The following GABRB1 variants were observed in gnomAD, a reference collection of about 807,000 sequenced individuals.
GABRB1 encodes the protein gamma-aminobutyric acid receptor subunit beta-1.
GABRB1 carries 17 observed loss-of-function variants against 51.6 expected under a neutral mutation model. That is an observed-to-expected ratio of 0.33 (90% confidence interval 0.23 to 0.49). The LOEUF is 0.49. GABRB1 is among the 20% of genes least tolerant of loss of function. GABRB1 has a pLI of 0.99. For missense variants in GABRB1, 410 were observed against 600.6 expected, an observed-to-expected ratio of 0.68 and a Z score of 3.32; for synonymous variants, 247 against 218.9, an observed-to-expected ratio of 1.13 and a Z score of -1.14.
rs546454368 is a variant in GABRB1, at chr4:47,016,629, C to T, written c.-19-15285C>T. ...TCTGAGATGGAGTCTCACTCTGTCA[C>T]CCAGGCTGGAGTGCAGTGGCACAGT... On this transcript the variant is annotated intron_variant, in intron 1 of 3. Coordinates refer to the GABRB1 transcript ENST00000513567. Among the ~76,000 whole-genome samples, 8 of 152,168 alleles carry T rather than the reference C, an allele frequency of 5.3e-5. No individual in the cohort carries two copies. In the South Asian group the frequency reaches 1.7e-3, roughly 32 times the overall value.
At chr4:47,096,635 G>A (rs1314729752) in intron 3 of GABRB1, among the ~76,000 whole-genome samples, 5 of 152,174 alleles carry the variant, frequency 3.3e-5, no homozygotes, top group Admixed American at 2.0e-4. Context: ...GGTAGGCACA[G>A]TCTAATCAAG....
In GABRB1 at chr4:47,249,501, G is replaced by A. The variant is rs1281219275; in HGVS notation, c.462-70626G>A. On this transcript the variant is annotated intron_variant, in intron 4 of 8. Coordinates refer to ENST00000295454, the MANE Select transcript of GABRB1 (RefSeq NM_000812.4). ...GTATTCTGCAGTTGTTGGGTGAAAT[G>A]TTCTGTATATGCCTGTTAATTACAT... Among the ~76,000 whole-genome samples the A allele has an allele frequency of 2.0e-5, 3 of 152,170 alleles. No homozygotes were observed. In the East Asian group the frequency reaches 5.8e-4, roughly 29 times the overall value.
At chr4:47,295,129 A>G (rs1275553455) in intron 4 of GABRB1, among the ~76,000 whole-genome samples, 2 of 152,226 alleles carry the variant, frequency 1.3e-5, no homozygotes, top group Non-Finnish European at 2.9e-5. Flanking sequence ...GTCAAAGACC[A>G]AAAGTAGATA....
chr4:47,375,459 G>T (rs1727344513), intron 5 of GABRB1, among the ~76,000 whole-genome samples: 1 of 152,194 alleles, frequency 6.6e-6, no homozygotes, highest in South Asian at 2.1e-4. Context: ...TCATGCTGCA[G>T]TCACAAACAC....
chr4:47,227,095 G>A (rs1279417026), intron 4 of GABRB1, among the ~76,000 whole-genome samples: 2 of 152,154 alleles, frequency 1.3e-5, no homozygotes, highest in Non-Finnish European at 2.9e-5. Context: ...GTGCCTGAGA[G>A]GAATGCCGCA....
intron 4 of GABRB1, among the ~76,000 whole-genome samples, chr4:47,216,296 A>G (rs1235120068): frequency 6.6e-6 from 1 of 151,930 alleles, no homozygotes; most frequent in Admixed American, 6.6e-5. Context: ...GAGGGAGGGT[A>G]TCCTTTACCC....
At chr4:47,033,614 A>C (rs923727072) in intron 3 of GABRB1, among the ~76,000 whole-genome samples, 3 of 152,164 alleles carry the variant, frequency 2.0e-5, no homozygotes, top group Non-Finnish European at 4.4e-5. Context: ...ATTGTCTTTC[A>C]TTTCATTCCT....
At chr4:47,152,521 C>T (rs1366151370) in intron 3 of GABRB1, among the ~76,000 whole-genome samples, 4 of 151,988 alleles carry the variant, frequency 2.6e-5, no homozygotes, top group Non-Finnish European at 5.9e-5. Context: ...CTCTTCTCAC[C>T]TTATGCTCTC....
intron 4 of GABRB1, among the ~76,000 whole-genome samples, chr4:47,163,573 A>AT (rs1718051841): frequency 6.6e-6 from 1 of 151,894 alleles, no homozygotes; most frequent in African/African-American, 2.4e-5. Flanking sequence ...GTGTTGAAAA[A>AT]CTACCTATTG....
chr4:47,081,791 AAT>A (rs1308235848), intron 3 of GABRB1, among the ~76,000 whole-genome samples: 2 of 152,176 alleles, frequency 1.3e-5, no homozygotes, highest in South Asian at 2.1e-4. Context: ...TTAGTAGGGC[AAT>A]ATATATCTGG....
chr4:47,005,532 T>A (rs939481126), intron 1 of GABRB1, among the ~76,000 whole-genome samples: 1 of 151,902 alleles, frequency 6.6e-6, no homozygotes, highest in African/African-American at 2.4e-5. Context: ...GAGCACAGTA[T>A]CTGATAAGGA....
chr4:47,415,416 C>T (rs953126343), intron 8 of GABRB1, among the ~76,000 whole-genome samples: 3 of 152,082 alleles, frequency 2.0e-5, no homozygotes, highest in South Asian at 2.1e-4. Context: ...TTTATAGTGT[C>T]AAAGCTCTTT....
intron 8 of GABRB1, among the ~76,000 whole-genome samples, chr4:47,409,653 T>A: frequency 6.6e-6 from 1 of 152,242 alleles, no homozygotes; most frequent in Non-Finnish European, 1.5e-5. Flanking sequence ...CCTGTTCCCA[T>A]TTAGAGCTGT....
At position 47,254,361 on chromosome 4, in the gene GABRB1, G is replaced by GTT. The variant is rs56838956; in HGVS notation, c.462-65736_462-65735dup. 1.3e-3 allele frequency among the ~76,000 whole-genome samples: 106 copies of GTT among 80,950 alleles called. 1 individual carries two copies. Among genetic ancestry groups the GTT allele is most frequent in the Non-Finnish European group, 1.8e-3 (79 of 44,314 alleles). 53.1% of individuals were successfully genotyped at this position (80,950 alleles called of 152,430 possible). A position where few individuals can be genotyped will look rare whatever the true frequency, so the allele number is the denominator to read the frequency against. On this transcript the variant is annotated intron_variant, in intron 4 of 8. Coordinates refer to ENST00000295454, the MANE Select transcript of GABRB1 (RefSeq NM_000812.4). ...ATGGTGGATGATGTTTCTTTTCTTTGTTTTTTTTTTTTTTTTTTTTTTTTT... is the reference window on the plus strand; with the variant it reads ...ATGGTGGATGATGTTTCTTTTCTTTGTTTTTTTTTTTTTTTTTTTTTTTTTTT...
intron 8 of GABRB1, among the ~76,000 whole-genome samples, chr4:47,411,005 G>A (rs1291889495): frequency 6.6e-6 from 1 of 151,984 alleles, no homozygotes; most frequent in Non-Finnish European, 1.5e-5. Context: ...ACATTCTTTG[G>A]GGAAGATAGC....
intron 1 of GABRB1, among the ~76,000 whole-genome samples, chr4:47,004,378 C>G (rs1724322595): frequency 6.6e-6 from 1 of 152,144 alleles, no homozygotes; most frequent in African/African-American, 2.4e-5. Context: ...TGACGAGACA[C>G]TTATGTCAAG....
chr4:47,255,642 C>T (rs1282219162), intron 4 of GABRB1, among the ~76,000 whole-genome samples: 3 of 152,330 alleles, frequency 2.0e-5, no homozygotes, highest in African/African-American at 7.2e-5. Context: ...GACAAAGAGG[C>T]ATGCCAAGGG....
At chr4:47,222,981 A>G (rs1385995501) in intron 4 of GABRB1, among the ~76,000 whole-genome samples, 1 of 152,130 alleles carries the variant, frequency 6.6e-6, no homozygotes, top group Non-Finnish European at 1.5e-5. Flanking sequence ...AAAATATTAA[A>G]TGACACCTTG....
intron 5 of GABRB1, among the ~76,000 whole-genome samples, chr4:47,321,748 C>G (rs1279280357): frequency 7.2e-6 from 1 of 137,986 alleles, no homozygotes; most frequent in Non-Finnish European, 1.5e-5. Context: ...TTGTTTGTTA[C>G]CCTTGAGCAC....
Sources: allele counts gnomAD v4.1 joint callset (sites outside exome capture counted in the v4.1 genomes callset), GRCh38; gene constraint gnomAD v4.1.1; transcripts MANE v1.5; gene names NCBI Gene and HGNC (gene_info 2026-07-23, HGNC 2026-07-21).